Variants in SGIP1 observed in about 807,000 individuals in gnomAD.
SGIP1 encodes SH3-containing GRB2-like protein 3-interacting protein 1.
A neutral mutation model predicts 107.5 loss-of-function variants in SGIP1; 38 were observed. The ratio of observed to expected loss-of-function variants is 0.35; its 90% CI spans 0.27 to 0.46. SGIP1 has a LOEUF of 0.46. Ranked by LOEUF, SGIP1 falls within the 20% of genes least tolerant of loss-of-function variation. The probability of loss-of-function intolerance (pLI) is 1.00; values close to 1 mark genes in which losing one functional copy is unlikely to be tolerated. For synonymous variants in SGIP1, 365 were observed against 366.1 expected (o/e 1.00, Z 0.03); for missense variants, 929 against 1,019.5 (o/e 0.91, Z 1.21).
intron 12 of SGIP1, among the ~76,000 whole-genome samples, chr1:66,674,212 A>T (rs2084620635): frequency 6.6e-6 from 1 of 152,110 alleles, no homozygotes; most frequent in Admixed American, 6.5e-5. Flanking sequence ...AAATATCTTT[A>T]TTTCTGCCAT....
At chr1:66,567,745 A>G (rs2059852434) in intron 1 of SGIP1, among the ~76,000 whole-genome samples, 1 of 152,132 alleles carries the variant, frequency 6.6e-6, no homozygotes, top group South Asian at 2.1e-4. Context: ...TCCCAACACC[A>G]TTTATTAAAT....
chr1:66,534,997 A>T (rs2053256061), intron 1 of SGIP1, among the ~76,000 whole-genome samples: 1 of 152,204 alleles, frequency 6.6e-6, no homozygotes, highest in South Asian at 2.1e-4. Context: ...TATCAGGTTA[A>T]AAAAGAATTT....
At chr1:66,590,774 A>G (rs887744688) in intron 1 of SGIP1, among the ~76,000 whole-genome samples, 3 of 152,188 alleles carry the variant, frequency 2.0e-5, no homozygotes, top group Non-Finnish European at 4.4e-5. Flanking sequence ...TGATTTTTCA[A>G]TGTTTTGTAG....
At position 66,673,275 on chromosome 1, in the gene SGIP1, A is replaced by G. The variant is rs1308669373; in HGVS notation, c.561-6A>G. ...CCTGTATTTTGCCTTAATGTGTGTG[A>G]TTTAGCAAAAAGCCTCCAGATGACA... On this transcript the variant is annotated splice_polypyrimidine_tract_variant and splice_region_variant and intron_variant, in intron 11 of 24. Transcript: ENST00000371037. The G allele has an allele frequency of 1.9e-6, 3 of 1,613,950 alleles. No homozygotes were observed. The highest frequency in any genetic ancestry group is 2.2e-5 in the East Asian group (1 of 44,874).
chr1:66,723,836 T>C (rs1557759742), intron 19 of SGIP1, among the ~76,000 whole-genome samples: 1 of 152,194 alleles, frequency 6.6e-6, no homozygotes, highest in East Asian at 1.9e-4. Context: ...GTCTTCACAA[T>C]AGTAGATAAG....
At chr1:66,685,885 G>C (rs1447722811) in intron 15 of SGIP1, among the ~76,000 whole-genome samples, 1 of 152,116 alleles carries the variant, frequency 6.6e-6, no homozygotes, top group African/African-American at 2.4e-5. Context: ...ATGTTTCAGG[G>C]CTTTTAATGT....
chr1:66,560,601 A>G (rs1047269149), intron 1 of SGIP1, among the ~76,000 whole-genome samples: 2 of 152,122 alleles, frequency 1.3e-5, no homozygotes, highest in African/African-American at 4.8e-5. Context: ...ACTACTTTTA[A>G]AAGTGCGTTA....
intron 15 of SGIP1, among the ~76,000 whole-genome samples, chr1:66,686,609 T>C (rs150057381): frequency 6.6e-6 from 1 of 152,354 alleles, no homozygotes; most frequent in Non-Finnish European, 1.5e-5. Context: ...TGTTCAGTTG[T>C]GAAATACCCC....
In SGIP1 at chr1:66,649,527, G is replaced by A. The variant is rs75293643; in HGVS notation, c.459+5808G>A. Among the ~76,000 whole-genome samples, 645 of 152,304 alleles carry A rather than the reference G, an allele frequency of 4.2e-3. 4 individuals carry two copies. Among genetic ancestry groups the A allele is most frequent in the African/African-American group, 0.015 (612 of 41,568 alleles). On this transcript the variant is annotated intron_variant, in intron 7 of 24. Coordinates refer to ENST00000371037, the MANE Select transcript of SGIP1 (RefSeq NM_032291.4). The stretch of plus-strand genomic sequence containing the variant: ...CAGTGTAAAGACCACTCTCCCTAAA[G>A]GAGGAGATAGAGACAGATGCAACAC...
In SGIP1 at chr1:66,739,491, G is replaced by A. The variant is rs138254798; in HGVS notation, c.2188G>A (p.Asp730Asn). ...CAATGTGCAGTTCCTGGTCCCCATC[G>A]ACGGAGGAGTCACCAAGCTCCAGGC... ...LNNVQFLVPIDGGVTKLQAVL... is the reference protein window; with the variant it reads ...LNNVQFLVPINGGVTKLQAVL... Residue 730 changes from aspartate (D) to asparagine (N), a missense_variant, in exon 22 of 25, where the codon GAC becomes AAC. Around this residue, in one of 2 missense-constraint regions of SGIP1, gnomAD observed 341 missense variants for 430.9 expected, o/e 0.79. Transcript: ENST00000371037. 4.3e-4 allele frequency: 689 copies of A among 1,613,990 alleles called. 1 individual carries two copies. Among genetic ancestry groups the A allele is most frequent in the Non-Finnish European group, 5.5e-4 (653 of 1,180,042 alleles).
At chr1:66,652,261 T>G (rs1283048580) in intron 7 of SGIP1, among the ~76,000 whole-genome samples, 3 of 152,122 alleles carry the variant, frequency 2.0e-5, no homozygotes. Flanking sequence ...AAAGGTGCCA[T>G]TAAATATCAA....
intron 18 of SGIP1, among the ~76,000 whole-genome samples, chr1:66,719,052 C>A (rs57339861): frequency 0.02 from 2,984 of 152,130 alleles, 96 homozygotes; most frequent in African/African-American, 0.068. Flanking sequence ...CTTGGATTTT[C>A]TTCTCTGTAG....
chr1:66,561,359 G>A (rs2058921595), intron 1 of SGIP1, among the ~76,000 whole-genome samples: 1 of 151,952 alleles, frequency 6.6e-6, no homozygotes, highest in Non-Finnish European at 1.5e-5. Context: ...GGTGTTAAAT[G>A]ACTTGTTCAC....
chr1:66,598,545 C>T (rs577939119), intron 1 of SGIP1, among the ~76,000 whole-genome samples: 6 of 152,214 alleles, frequency 3.9e-5, no homozygotes, highest in African/African-American at 1.4e-4. Context: ...ATTTAATTGG[C>T]CCACGGTTCT....
intron 7 of SGIP1, among the ~76,000 whole-genome samples, chr1:66,644,685 G>C (rs1374415707): frequency 1.3e-5 from 2 of 152,116 alleles, no homozygotes; most frequent in African/African-American, 2.4e-5. Flanking sequence ...CATCTTTTGA[G>C]AATAAACTTT....
chr1:66,617,514 T>C (rs550692913), intron 1 of SGIP1, among the ~76,000 whole-genome samples: 1 of 152,330 alleles, frequency 6.6e-6, no homozygotes, highest in Non-Finnish European at 1.5e-5. Context: ...ATAGCCAGTC[T>C]AGAGTTGCTG....
intron 9 of SGIP1, among the ~76,000 whole-genome samples, chr1:66,668,518 A>G (rs1214194388): frequency 6.6e-6 from 1 of 152,204 alleles, no homozygotes; most frequent in East Asian, 1.9e-4. Context: ...AGCAACAAAA[A>G]GAAGGGTCTT....
Position 66,719,294 on chromosome 1 carries a change from G to A in SGIP1, c.1631G>A (p.Gly544Asp). The A allele has an allele frequency of 1.9e-6, 3 of 1,604,646 alleles. No homozygotes were observed. The highest frequency in any genetic ancestry group is 1.3e-5 in the African/African-American group (1 of 74,334). ...AATGAAAATTTTTCATTTCATGCAG[G>A]TTCTTCCAGGGGACCCAGCCCCCTA... Reference protein sequence around the residue: ...DRGKFYLTFEGSSRGPSPLTM... With the variant: ...DRGKFYLTFEDSSRGPSPLTM... Residue 544 changes from glycine to aspartate, a missense_variant and splice_region_variant, in exon 19 of 25, where the codon GGT (glycine) becomes GAT (aspartate). Gly to Asp is a moderately conservative substitution (Grantham distance 94). Transcript: ENST00000371037.
chr1:66,745,111 ATTTTATTTTG>A lies in SGIP1; in HGVS notation c.*2028_*2037del, dbSNP rs1483927193. 1 of 152,210 alleles carries A rather than the reference ATTTTATTTTG, an allele frequency of 6.6e-6. No individual in the cohort carries two copies. Among genetic ancestry groups the A allele is most frequent in the East Asian group, 1.9e-4 (1 of 5,204 alleles). The allele number at this position is 152,210 out of a possible 1,614,324, so 9.4% of individuals were successfully genotyped here. Reference sequence around the variant, plus strand: ...CTGGTTCTCATGTCTTTGTATTTATATTTTATTTTGTTTTATTTTGTATAGATCTAGAATG... The same window carrying A: ...CTGGTTCTCATGTCTTTGTATTTATATTTTATTTTGTATAGATCTAGAATG... On this transcript the variant is annotated 3_prime_UTR_variant, in exon 25 of 25. Coordinates refer to ENST00000371037, the MANE Select transcript of SGIP1 (RefSeq NM_032291.4).
Sources: allele counts gnomAD v4.1 joint callset (sites outside exome capture counted in the v4.1 genomes callset), GRCh38; gene constraint gnomAD v4.1.1; regional missense constraint gnomAD v4.1.1; transcripts MANE v1.5; gene names NCBI Gene and HGNC (gene_info 2026-07-23, HGNC 2026-07-21).